Variants in MYO9A observed in about 807,000 individuals in gnomAD.
MYO9A encodes myosin IXA.
A neutral mutation model predicts 293.3 loss-of-function variants in MYO9A; 103 were observed. The observed-to-expected ratio is 0.35, with a 90% CI of 0.30 to 0.41. The LOEUF (loss-of-function observed/expected upper bound fraction) is 0.41, where lower values mean the gene tolerates loss of function less well. Ranked by LOEUF, MYO9A falls within the 10% of genes least tolerant of loss-of-function variation. MYO9A has a pLI of 1.00. For synonymous variants in MYO9A, 1,001 were observed against 1,035.7 expected (o/e 0.97, Z 0.64); for missense variants, 2,685 against 3,033.0 (o/e 0.89, Z 2.69).
intron 39 of MYO9A, among the ~76,000 whole-genome samples, chr15:71,831,250 G>C (rs1163080301): frequency 6.6e-6 from 1 of 152,102 alleles, no homozygotes. Flanking sequence ...GGCAAATCTA[G>C]CCTTGCACAT....
intron 19 of MYO9A, among the ~76,000 whole-genome samples, chr15:71,906,243 C>T (rs1485503215): frequency 1.3e-5 from 2 of 152,042 alleles, no homozygotes; most frequent in Non-Finnish European, 2.9e-5. Context: ...TACGATCTAC[C>T]TTGGCAAGTA....
chr15:71,946,587 A>G (rs2058923872), intron 15 of MYO9A, among the ~76,000 whole-genome samples: 1 of 152,246 alleles, frequency 6.6e-6, no homozygotes, highest in African/African-American at 2.4e-5. Flanking sequence ...CAGAATAGCT[A>G]TAACTGCACT....
At chr15:71,944,053 C>T (rs1235784135) in intron 15 of MYO9A, among the ~76,000 whole-genome samples, 1 of 152,092 alleles carries the variant, frequency 6.6e-6, no homozygotes, top group Non-Finnish European at 1.5e-5. Context: ...ATTTTAGCCA[C>T]TATAGACGTA....
intron 1 of MYO9A, among the ~76,000 whole-genome samples, chr15:72,066,609 T>C (rs2079030799): frequency 6.6e-6 from 1 of 152,076 alleles, no homozygotes; most frequent in Non-Finnish European, 1.5e-5. Flanking sequence ...ACCAGAAGCA[T>C]GGTTTCCTTA....
intron 1 of MYO9A, among the ~76,000 whole-genome samples, chr15:72,056,169 A>G (rs1433926408): frequency 2.0e-5 from 3 of 152,224 alleles, no homozygotes; most frequent in Admixed American, 1.3e-4. Flanking sequence ...CAAAGGTTGT[A>G]GTGAGCCCAA....
At chr15:71,893,951 G>A (rs527886170) in intron 25 of MYO9A, among the ~76,000 whole-genome samples, 173 bp from the exon 26 acceptor site, 18 of 152,180 alleles carry the variant, frequency 1.2e-4, no homozygotes, top group Non-Finnish European at 2.4e-4. Flanking sequence ...CTGAACCTAC[G>A]CATAAGACTG....
intron 27 of MYO9A, among the ~76,000 whole-genome samples, chr15:71,886,478 C>T (rs2057023801): frequency 6.6e-6 from 1 of 151,968 alleles, no homozygotes; most frequent in Non-Finnish European, 1.5e-5. Context: ...CCCTATGTTC[C>T]AAATATGTGC....
rs1187970108 is a variant in MYO9A at position 71,925,303 on chromosome 15, ATACGTATATACGTATATG to A, written c.2562+8349_2562+8366del. Among the ~76,000 whole-genome samples the A allele has an allele frequency of 1.8e-3, 271 of 149,582 alleles. 1 individual carries two copies. The highest frequency in any genetic ancestry group is 6.3e-3 in the African/African-American group (260 of 41,094). ...TACGTATACACGTGTATGTACATATATACGTATATACGTATATGTACATATATACGTATATGTACATAT... is the reference window on the plus strand; with the variant it reads ...TACGTATACACGTGTATGTACATATATACATATATACGTATATGTACATAT... On this transcript the variant is annotated intron_variant, in intron 18 of 41. Coordinates refer to ENST00000356056, the MANE Select transcript of MYO9A (RefSeq NM_006901.4).
chr15:72,028,017 G>C (rs993583430), intron 3 of MYO9A, among the ~76,000 whole-genome samples: 10 of 151,314 alleles, frequency 6.6e-5, no homozygotes, highest in African/African-American at 2.4e-4. Context: ...GGCTGATATG[G>C]TGAAACCCCA....
At chr15:72,080,368 T>C (rs1426836393) in intron 1 of MYO9A, among the ~76,000 whole-genome samples, 2 of 149,984 alleles carry the variant, frequency 1.3e-5, no homozygotes, top group African/African-American at 2.5e-5. Flanking sequence ...AGGACAAATA[T>C]GGCCATGAGA....
In MYO9A at chr15:72,006,508, A is replaced by G. The variant is rs144574636; in HGVS notation, c.1380+1318T>C. Among the ~76,000 whole-genome samples, 491 of 152,342 alleles carry G rather than the reference A, an allele frequency of 3.2e-3. 1 individual carries two copies. Among genetic ancestry groups the G allele is most frequent in the Middle Eastern group, 0.01 (3 of 294 alleles). ...GAAAGGGCAAATCTATATATCTACT[A>G]AAAAGATCAGTGGTTGCCAGCAGTT... On this transcript the variant is annotated intron_variant, in intron 8 of 41. Transcript: ENST00000356056.
In MYO9A at chr15:71,851,105, G is replaced by A; in HGVS notation, c.6581+148C>T. 3 of 630,404 alleles carry A rather than the reference G, an allele frequency of 4.8e-6. No individual in the cohort carries two copies. In the South Asian group the frequency reaches 6.6e-5, roughly 14 times the overall value. 39.1% of individuals were successfully genotyped at this position (630,404 alleles called of 1,614,324 possible). ...CTCAGCTGAATATTTCTGCTCCAAG[G>A]TATCCTAACCACCTGTTTGAGACAC... On this transcript the variant is annotated intron_variant, in intron 37 of 41. Transcript: ENST00000356056.
chr15:72,053,533 A>G (rs1004040758), intron 1 of MYO9A, among the ~76,000 whole-genome samples: 2 of 152,248 alleles, frequency 1.3e-5, no homozygotes, highest in African/African-American at 2.4e-5. Flanking sequence ...GCTGGAGGCC[A>G]TTATCCTAAG....
intron 1 of MYO9A, among the ~76,000 whole-genome samples, chr15:72,061,966 TC>T (rs1490251276): frequency 1.3e-5 from 2 of 152,186 alleles, no homozygotes; most frequent in East Asian, 3.9e-4. Context: ...GGGTCACACC[TC>T]CCCAATTCCA....
At chr15:72,066,344 G>A (rs536270521) in intron 1 of MYO9A, among the ~76,000 whole-genome samples, 1 of 152,130 alleles carries the variant, frequency 6.6e-6, no homozygotes, top group South Asian at 2.1e-4. Flanking sequence ...TAATTAGCCG[G>A]GCGTGGTGGT....
In MYO9A at chr15:71,826,874, A is replaced by G. The variant is rs1366013432; in HGVS notation, c.7353T>C (p.Phe2451=). The change falls in exon 42 of 42, where the codon TTT becomes TTC. Residue 2451 remains phenylalanine, a synonymous_variant. Coordinates refer to ENST00000356056, the MANE Select transcript of MYO9A (RefSeq NM_006901.4). Reference sequence around the variant, plus strand: ...AGAATGGAGATTTGGAATAAATCTGAAATAGTTTTCTGGTCCCATGAGATG... The same window carrying G: ...AGAATGGAGATTTGGAATAAATCTGGAATAGTTTTCTGGTCCCATGAGATG... ...TASSHGTRKL[F]QIYSKSPFYR... is the part of the protein sequence containing the mutation. The G allele has an allele frequency of 6.2e-6, 10 of 1,614,132 alleles. No individual in the cohort carries two copies. In the South Asian group the frequency reaches 9.9e-5, roughly 16 times the overall value.
chr15:71,901,852 T>G (rs2057495339), intron 22 of MYO9A, among the ~76,000 whole-genome samples: 1 of 152,108 alleles, frequency 6.6e-6, no homozygotes, highest in Non-Finnish European at 1.5e-5. Context: ...GGGAAAAAAG[T>G]TGAAAACCAT....
intron 19 of MYO9A, among the ~76,000 whole-genome samples, chr15:71,905,911 T>C (rs890936846): frequency 6.6e-6 from 1 of 152,098 alleles, no homozygotes; most frequent in Non-Finnish European, 1.5e-5. Flanking sequence ...TTGGGTTTCA[T>C]ATATTCTTTT....
At chr15:71,980,432 C>T (rs1010003232) in intron 11 of MYO9A, among the ~76,000 whole-genome samples, 6 of 152,120 alleles carry the variant, frequency 3.9e-5, no homozygotes, top group African/African-American at 1.2e-4. Flanking sequence ...CTACTAGTAG[C>T]TCATTGTGAT....
Sources: gnomAD v4.1 joint callset for allele counts (sites outside exome capture counted in the v4.1 genomes callset) on GRCh38, gnomAD v4.1.1 for gene constraint, MANE v1.5 for transcripts, NCBI Gene and HGNC (gene_info 2026-07-23, HGNC 2026-07-21) for gene names.